Variants in NPSR1 observed in about 807,000 individuals in gnomAD.
NPSR1 encodes neuropeptide S receptor 1.
NPSR1 carries 48 observed loss-of-function variants against 46.9 expected under a neutral mutation model. That is an observed-to-expected ratio of 1.02 (90% confidence interval 0.81 to 1.30). The LOEUF is 1.30. Among genes scored for constraint, NPSR1 ranks in the 50% most tolerant of loss-of-function variants. NPSR1 has a pLI of 0.00. For synonymous variants in NPSR1, 176 were observed against 168.1 expected, an observed-to-expected ratio of 1.05 and a Z score of -0.36; for missense variants, 450 against 449.5, an observed-to-expected ratio of 1.00 and a Z score of -0.01.
intron 8 of NPSR1, among the ~76,000 whole-genome samples, chr7:34,858,584 A>G (rs2128767377): frequency 6.6e-6 from 1 of 152,008 alleles, no homozygotes; most frequent in East Asian, 1.9e-4. Context: ...ACAATTTACA[A>G]AAGAAAGAGG....
At chr7:34,844,783 T>C (rs1211203709) in intron 6 of NPSR1, 113 bp from the exon 7 acceptor site, 4 of 749,626 alleles carry the variant, frequency 5.3e-6, no homozygotes, top group African/African-American at 1.7e-5. Flanking sequence ...TGGGCATAAA[T>C]GCACAGGATA....
At chr7:34,827,340 C>G in intron 4 of NPSR1, 61 bp from the exon 5 acceptor site, 1 of 1,440,748 alleles carries the variant, frequency 6.9e-7, no homozygotes. Flanking sequence ...ATAGCAGACT[C>G]CATTGTGCTC....
chr7:34,749,170 G>C (rs1426806857), intron 2 of NPSR1, among the ~76,000 whole-genome samples: 3 of 152,072 alleles, frequency 2.0e-5, no homozygotes, highest in African/African-American at 7.2e-5. Context: ...CTGAGCCTCT[G>C]TGTGGCCACT....
At chr7:34,794,106 G>C (rs182298533) in intron 3 of NPSR1, among the ~76,000 whole-genome samples, 1 of 152,058 alleles carries the variant, frequency 6.6e-6, no homozygotes, top group Non-Finnish European at 1.5e-5. Context: ...ACTGGTCAAT[G>C]AGTACAATGT....
intron 2 of NPSR1, among the ~76,000 whole-genome samples, chr7:34,748,202 A>G (rs527920320): frequency 6.6e-6 from 1 of 152,360 alleles, no homozygotes; most frequent in South Asian, 2.1e-4. Flanking sequence ...ATCAAGGCAT[A>G]CTTTTTACTG....
intron 2 of NPSR1, among the ~76,000 whole-genome samples, chr7:34,746,603 C>T (rs1276947471): frequency 6.6e-6 from 1 of 152,186 alleles, no homozygotes; most frequent in East Asian, 1.9e-4. Context: ...CTCCACCCAT[C>T]CCTGTCTTAG....
chr7:34,663,299 T>C (rs1482346160), intron 1 of NPSR1, among the ~76,000 whole-genome samples: 1 of 152,086 alleles, frequency 6.6e-6, no homozygotes, highest in Non-Finnish European at 1.5e-5. Flanking sequence ...CATTCTCTCC[T>C]GGTACAGGGT....
chr7:34,847,154 T>C (rs886424792), intron 7 of NPSR1, among the ~76,000 whole-genome samples: 5 of 152,048 alleles, frequency 3.3e-5, no homozygotes, highest in African/African-American at 1.2e-4. Context: ...GAAACATGAG[T>C]CAGTTTATCA....
downstream of NPSR1, among the ~76,000 whole-genome samples, chr7:34,850,775 C>G (rs1162699694): frequency 4.6e-5 from 7 of 152,164 alleles, no homozygotes; most frequent in African/African-American, 1.7e-4. Context: ...CCTCACACCT[C>G]AAGGACAAGT....
intron 2 of NPSR1, among the ~76,000 whole-genome samples, chr7:34,776,450 G>A (rs981326822): frequency 1.3e-5 from 2 of 151,980 alleles, no homozygotes; most frequent in Non-Finnish European, 2.9e-5. Flanking sequence ...TCACTATATA[G>A]TAACCTTCTT....
chr7:34,802,435 T>C (rs1362206085), intron 3 of NPSR1, among the ~76,000 whole-genome samples: 1 of 150,134 alleles, frequency 6.7e-6, no homozygotes, highest in East Asian at 1.9e-4. Flanking sequence ...ATCTGATCTT[T>C]GACAAACCTG....
chr7:34,731,029 AT>A (rs1244910407), intron 2 of NPSR1, among the ~76,000 whole-genome samples: 1 of 152,300 alleles, frequency 6.6e-6, no homozygotes, highest in East Asian at 1.9e-4. Context: ...ATAGAAAAAG[AT>A]TTTTTAAGCA....
intron 2 of NPSR1, among the ~76,000 whole-genome samples, chr7:34,748,282 C>T (rs753398729): frequency 3.3e-5 from 5 of 152,180 alleles, no homozygotes; most frequent in Non-Finnish European, 7.4e-5. Context: ...ATTGATCAAA[C>T]CTCTGTGAAG....
At chr7:34,856,714 T>G (rs1791056942) in intron 8 of NPSR1, among the ~76,000 whole-genome samples, 1 of 151,786 alleles carries the variant, frequency 6.6e-6, no homozygotes, top group South Asian at 2.1e-4. Context: ...TTGATAGACT[T>G]TAGTCTTCCT....
chr7:34,851,574 A>G (rs371119010), downstream of NPSR1, among the ~76,000 whole-genome samples: 13 of 152,350 alleles, frequency 8.5e-5, no homozygotes, highest in East Asian at 1.7e-3. Flanking sequence ...GATGTGCCAC[A>G]GAAGACCCAC....
intron 3 of NPSR1, among the ~76,000 whole-genome samples, chr7:34,784,676 G>A (rs1240883519): frequency 6.6e-6 from 1 of 152,078 alleles, no homozygotes; most frequent in Non-Finnish European, 1.5e-5. Flanking sequence ...CCAGGCTTTG[G>A]TATCAGGATG....
intron 2 of NPSR1, among the ~76,000 whole-genome samples, chr7:34,771,168 C>A (rs1043569431): frequency 1.3e-5 from 2 of 152,198 alleles, no homozygotes; most frequent in Non-Finnish European, 2.9e-5. Context: ...GATGCAGTGG[C>A]TCATACCTGT....
At chr7:34,781,287 C>T (rs1787217956) in intron 3 of NPSR1, among the ~76,000 whole-genome samples, 1 of 152,130 alleles carries the variant, frequency 6.6e-6, no homozygotes, top group African/African-American at 2.4e-5. Context: ...TAGGACCTAT[C>T]ACCAAGATCA....
intron 4 of NPSR1, among the ~76,000 whole-genome samples, chr7:34,813,458 C>T (rs889060905): frequency 2.0e-5 from 3 of 152,178 alleles, no homozygotes; most frequent in Non-Finnish European, 4.4e-5. Context: ...CCAGCGCCCT[C>T]AAATGCTATA....
Sources: gnomAD v4.1 joint callset for allele counts (sites outside exome capture counted in the v4.1 genomes callset) on GRCh38, gnomAD v4.1.1 for gene constraint, MANE v1.5 for transcripts, NCBI Gene and HGNC (gene_info 2026-07-23, HGNC 2026-07-21) for gene names.